ATP10B: variants seen among roughly 807,000 people sequenced by gnomAD.
ATP10B encodes the protein ATPase phospholipid transporting 10B (putative).
Under a neutral mutation model 141.2 loss-of-function variants are expected in ATP10B, and 122 were observed. That is an observed-to-expected ratio of 0.86 (90% confidence interval 0.75 to 1.00). The LOEUF is 1.00. Among genes scored for constraint, ATP10B ranks in the 50% least tolerant of loss-of-function variants. The probability of loss-of-function intolerance (pLI) is 0.00; values close to 1 mark genes in which losing one functional copy is unlikely to be tolerated. For missense variants in ATP10B, 1,876 were observed against 1,825.3 expected (o/e 1.03, Z -0.51); for synonymous variants, 685 against 692.0 (o/e 0.99, Z 0.16).
At chr5:160,807,162 GTATC>G (rs1772835296) in intron 1 of ATP10B, among the ~76,000 whole-genome samples, 1 of 152,162 alleles carries the variant, frequency 6.6e-6, no homozygotes, top group Non-Finnish European at 1.5e-5. Flanking sequence ...GGGCAGAAAT[GTATC>G]TATAGTTGCT....
intron 3 of ATP10B, among the ~76,000 whole-genome samples, chr5:160,707,149 C>T (rs1356538810): frequency 3.3e-5 from 5 of 152,110 alleles, no homozygotes; most frequent in Non-Finnish European, 5.9e-5. Flanking sequence ...TGGGGTTTCA[C>T]CATGTTGGCC....
At chr5:160,872,181 A>T in the ATP10B span, among the ~76,000 whole-genome samples, 1 of 152,074 alleles carries the variant, frequency 6.6e-6, no homozygotes, top group East Asian at 1.9e-4. Flanking sequence ...GGCCATTTGT[A>T]TATCTTCTTT....
chr5:160,583,034 A>C (rs1755655622), intron 24 of ATP10B, among the ~76,000 whole-genome samples: 3 of 152,004 alleles, frequency 2.0e-5, no homozygotes, highest in Admixed American at 2.0e-4. Context: ...ATGCTCCTTT[A>C]GCTTGGAGGT....
intron 24 of ATP10B, among the ~76,000 whole-genome samples, chr5:160,581,952 C>T (rs1350038333): frequency 3.9e-5 from 6 of 152,142 alleles, no homozygotes; most frequent in Non-Finnish European, 7.3e-5. Context: ...TCTGTTTTAT[C>T]AGAGACTAGG....
At chr5:160,590,580 A>C (rs1277492925) in intron 23 of ATP10B, among the ~76,000 whole-genome samples, 4 of 152,192 alleles carry the variant, frequency 2.6e-5, no homozygotes, top group Admixed American at 2.6e-4. Context: ...CAGATAATGT[A>C]GTATCTCATT....
rs780835931 is a variant in ATP10B at position 160,632,354 on chromosome 5, C to G, written c.1395G>C (p.Glu465Asp). Residue 465 changes from glutamate (E) to aspartate (D), a missense_variant, in exon 13 of 26, where the codon GAG (glutamate) becomes GAC (aspartate). Physicochemically the swap from Glu to Asp is conservative, Grantham distance 45. Transcript: ENST00000327245. ...YSHQENAKRL[E>D]TPKELDSDGE... The stretch of plus-strand genomic sequence containing the variant: ...CATCTGAGTCCAGCTCCTTTGGGGT[C>G]TCCAGTCGCTTAGCTGCAAGAAAGG... 10 of 1,613,952 alleles carry G rather than the reference C, an allele frequency of 6.2e-6. No homozygotes were observed. Among genetic ancestry groups the G allele is most frequent in the Non-Finnish European group, 7.6e-6 (9 of 1,179,966 alleles).
At chr5:160,807,612 A>C (rs554823986) in intron 1 of ATP10B, among the ~76,000 whole-genome samples, 1 of 152,226 alleles carries the variant, frequency 6.6e-6, no homozygotes, top group Non-Finnish European at 1.5e-5. Flanking sequence ...AATAGAATGG[A>C]AAATTGAGAA....
chr5:160,640,962 C>A (rs1759815735), intron 9 of ATP10B, among the ~76,000 whole-genome samples: 1 of 152,170 alleles, frequency 6.6e-6, no homozygotes, highest in African/African-American at 2.4e-5. Context: ...GAAGGGCTGT[C>A]TTTTCCTAAT....
At chr5:160,774,255 G>A (rs1488913042) in intron 2 of ATP10B, among the ~76,000 whole-genome samples, 1 of 152,170 alleles carries the variant, frequency 6.6e-6, no homozygotes, top group Non-Finnish European at 1.5e-5. Flanking sequence ...TAATGAGGAC[G>A]GAGTTCTCCA....
intron 24 of ATP10B, among the ~76,000 whole-genome samples, chr5:160,576,608 G>T (rs1755204854): frequency 6.6e-6 from 1 of 152,210 alleles, no homozygotes; most frequent in African/African-American, 2.4e-5. Flanking sequence ...AGGGGTTACA[G>T]AATCCAGCCT....
intron 13 of ATP10B, among the ~76,000 whole-genome samples, chr5:160,628,787 A>C (rs930385777): frequency 2.6e-5 from 4 of 152,124 alleles, no homozygotes; most frequent in Non-Finnish European, 4.4e-5. Context: ...GAGAAAAAAA[A>C]CCCATTTCAT....
At chr5:160,746,157 A>T (rs746848136) in intron 2 of ATP10B, among the ~76,000 whole-genome samples, 4 of 152,046 alleles carry the variant, frequency 2.6e-5, no homozygotes, top group Non-Finnish European at 5.9e-5. Flanking sequence ...TTTTGTCTCC[A>T]CTCTACTGCT....
At chr5:160,804,566 G>A (rs945334435) in intron 1 of ATP10B, among the ~76,000 whole-genome samples, 2 of 152,138 alleles carry the variant, frequency 1.3e-5, no homozygotes, top group Non-Finnish European at 2.9e-5. Context: ...TTCTAACCCA[G>A]GTTCATATAG....
the ATP10B span, among the ~76,000 whole-genome samples, chr5:160,862,954 A>G: frequency 2.1e-3 from 315 of 152,160 alleles, no homozygotes; most frequent in African/African-American, 7.4e-3. Context: ...TATGAATAAT[A>G]GTGATACAAA....
At chr5:160,690,172 G>T (rs1168429495) in intron 3 of ATP10B, among the ~76,000 whole-genome samples, 9 of 152,106 alleles carry the variant, frequency 5.9e-5, no homozygotes, top group African/African-American at 1.9e-4. Flanking sequence ...ACTGAAACTG[G>T]ACACCTTCCT....
At chr5:160,886,458 G>C in the ATP10B span, among the ~76,000 whole-genome samples, 6 of 152,288 alleles carry the variant, frequency 3.9e-5, no homozygotes, top group East Asian at 9.6e-4. Flanking sequence ...CTATGTGTGT[G>C]TTTGTATTGG....
At chr5:160,842,297 A>G (rs1374973926) in intron 1 of ATP10B, among the ~76,000 whole-genome samples, 1 of 152,198 alleles carries the variant, frequency 6.6e-6, no homozygotes, top group Non-Finnish European at 1.5e-5. Flanking sequence ...AAATGAATAT[A>G]CGGCATATCA....
the ATP10B span, among the ~76,000 whole-genome samples, chr5:160,912,050 T>G: frequency 6.6e-6 from 1 of 151,686 alleles, no homozygotes; most frequent in East Asian, 1.9e-4. Context: ...TGCACTCCAG[T>G]AGAGAGAGAG....
chr5:160,714,616 G>A (rs894149007), intron 3 of ATP10B, among the ~76,000 whole-genome samples: 1 of 128,874 alleles, frequency 7.8e-6, no homozygotes. Flanking sequence ...CTCTCAGCTC[G>A]TCAAAATCAT....
Sources: gnomAD v4.1 joint callset for allele counts (sites outside exome capture counted in the v4.1 genomes callset) on GRCh38, gnomAD v4.1.1 for gene constraint, MANE v1.5 for transcripts, NCBI Gene and HGNC (gene_info 2026-07-23, HGNC 2026-07-21) for gene names.